EIF4G1: variants seen among roughly 807,000 people sequenced by gnomAD.
EIF4G1 encodes eukaryotic translation initiation factor 4 gamma 1.
A neutral mutation model predicts 187.8 loss-of-function variants in EIF4G1; 4 were observed. That is an observed-to-expected ratio of 0.02 (90% CI 0.01 to 0.05). The LOEUF is 0.05. Ranked by LOEUF, EIF4G1 falls within the 10% of genes least tolerant of loss-of-function variation. The probability of loss-of-function intolerance (pLI) is 1.00; values close to 1 mark genes in which losing one functional copy is unlikely to be tolerated. For missense variants in EIF4G1, 1,647 were observed against 2,081.1 expected (o/e 0.79, Z 4.06); for synonymous variants, 844 against 781.4 (o/e 1.08, Z -1.34).
intron 32 of EIF4G1, among the ~76,000 whole-genome samples, chr3:184,333,155 G>A (rs1726459635): frequency 6.6e-6 from 1 of 152,090 alleles, no homozygotes; most frequent in Admixed American, 6.5e-5. Flanking sequence ...TGGGGAGGGG[G>A]CCGTGAGAGA....
Position 184,325,109 on chromosome 3 carries a change from G to A in EIF4G1, c.2851G>A (p.Ala951Thr). ...TIGKDLDFEK[A>T]KPRMDQYFNQ... ...TGGCAAAGACCTGGACTTTGAAAAAGCCAAGGTAGAGGTCCTTGCATCTGG... is the reference window on the plus strand; with the variant it reads ...TGGCAAAGACCTGGACTTTGAAAAAACCAAGGTAGAGGTCCTTGCATCTGG... Residue 951 changes from alanine (A) to threonine (T), a missense_variant, in exon 18 of 33, where the codon GCC (alanine) becomes ACC (threonine). By Grantham distance (58) the Ala-to-Thr change is moderately conservative (BLOSUM62 0). Around this residue, in one of 11 missense-constraint regions of EIF4G1, gnomAD observed 142 missense variants for 296.6 expected, o/e 0.48. Transcript: ENST00000346169. The surrounding 1 kb of genome is among the most constrained non-coding windows in gnomAD (Gnocchi z 5.2). 1 of 1,614,118 alleles carries A rather than the reference G, an allele frequency of 6.2e-7. No homozygotes were observed. Among genetic ancestry groups the A allele is most frequent in the African/African-American group, 1.3e-5 (1 of 75,040 alleles).
At position 184,325,466 on chromosome 3, in the gene EIF4G1, C is replaced by T. The variant is rs748710761; in HGVS notation, c.2962-14C>T. ...TTCCCTGACATCATCGTGACTGGCC[C>T]TCTGTCTCCACAGAGCAATTGGGTG... On this transcript the variant is annotated splice_polypyrimidine_tract_variant and intron_variant, in intron 19 of 32. Transcript: ENST00000346169. The surrounding 1 kb of genome is among the most constrained non-coding windows in gnomAD (Gnocchi z 5.2). 1.9e-6 allele frequency: 3 copies of T among 1,614,190 alleles called. No homozygotes were observed. The highest frequency in any genetic ancestry group is 1.3e-5 in the African/African-American group (1 of 75,040).
rs1227644750 is a variant in EIF4G1 at position 184,327,257 on chromosome 3, G to A, written c.3470G>A (p.Arg1157Gln). 8 of 1,613,358 alleles carry A rather than the reference G, an allele frequency of 5.0e-6. No individual in the cohort carries two copies. Among genetic ancestry groups the A allele is most frequent in the Non-Finnish European group, 6.8e-6 (8 of 1,180,056 alleles). Residue 1157 changes from arginine (R) to glutamine (Q), a missense_variant, in exon 24 of 33, where the codon CGA becomes CAA. Physicochemically the swap from Arg to Gln is conservative, Grantham distance 43. Around this residue, in one of 11 missense-constraint regions of EIF4G1, gnomAD observed 543 missense variants for 638.0 expected, o/e 0.85. Transcript: ENST00000346169. ...SRERGEKAGDRGDRLERSERG... is the reference protein window; with the variant it reads ...SRERGEKAGDQGDRLERSERG... ...GAACGAGGCGAGAAAGCTGGAGACC[G>A]AGGAGACCGCCTAGAGCGGAGTGAA...
Position 184,334,848 on chromosome 3 carries a change from A to T in EIF4G1, c.4740A>T (p.Lys1580Asn). The part of the protein sequence containing the change: ...AEQQGKGVAL[K>N]SVTAFFKWLR... ...AGCAGGGCAAGGGTGTGGCCCTTAA[A>T]TCTGTCACAGCCTTCTTCAAGTGGC... is the stretch of plus-strand genomic sequence containing the variant. Residue 1580 changes from lysine to asparagine, a missense_variant, in exon 33 of 33, where the codon AAA (lysine) becomes AAT (asparagine). Around this residue, in one of 11 missense-constraint regions of EIF4G1, gnomAD observed 543 missense variants for 638.0 expected, o/e 0.85. Coordinates refer to ENST00000346169, the MANE Select transcript of EIF4G1 (RefSeq NM_198241.3). The surrounding 1 kb of genome is among the most constrained non-coding windows in gnomAD (Gnocchi z 5.8). 1 of 1,614,182 alleles carries T rather than the reference A, an allele frequency of 6.2e-7. No homozygotes were observed. Among genetic ancestry groups the T allele is most frequent in the Non-Finnish European group, 8.5e-7 (1 of 1,180,022 alleles).
chr3:184,335,131 T>TA lies in EIF4G1; in HGVS notation c.*224dup. ...CTCTCCTCCCCCTGGGGCACAGAGA[T>TA]ATATTATATATAAAGTCTTGAAATT... On this transcript the variant is annotated 3_prime_UTR_variant, in exon 33 of 33. Transcript: ENST00000346169. 2 of 577,372 alleles carry TA rather than the reference T, an allele frequency of 3.5e-6. No homozygotes were observed. The highest frequency in any genetic ancestry group is 2.0e-5 in the South Asian group (1 of 50,072). 35.8% of individuals were successfully genotyped at this position (577,372 alleles called of 1,614,324 possible).
chr3:184,328,760 A>G lies in EIF4G1; in HGVS notation c.4079+4A>G, dbSNP rs2108509831. 2.5e-6 allele frequency: 4 copies of G among 1,614,166 alleles called. No homozygotes were observed. The highest frequency in any genetic ancestry group is 1.1e-5 in the South Asian group (1 of 91,080). ...TGCCCATGGGGGAGCTGTTCAGGTA[A>G]GTCCCCCTGGGTGGAATTCAGGGGA... On this transcript the variant is annotated splice_donor_region_variant and intron_variant, in intron 27 of 32. Coordinates refer to ENST00000346169, the MANE Select transcript of EIF4G1 (RefSeq NM_198241.3).
intron 32 of EIF4G1, among the ~76,000 whole-genome samples, chr3:184,333,004 G>T (rs1352981718): frequency 1.3e-5 from 2 of 152,212 alleles, no homozygotes; most frequent in Non-Finnish European, 2.9e-5. Flanking sequence ...GCAATAGAGG[G>T]AAGAGTGGTT....
rs904059560 is a variant in EIF4G1, at chr3:184,335,255, G to A, written c.*347G>A. The A allele has an allele frequency of 6.3e-6, 2 of 315,380 alleles. No individual in the cohort carries two copies. The highest frequency in any genetic ancestry group is 4.3e-5 in the African/African-American group (2 of 46,846). The allele number at this position is 315,380 out of a possible 1,614,324, so 19.5% of individuals were successfully genotyped here. A position where few individuals can be genotyped will look rare whatever the true frequency, so the allele number is the denominator to read the frequency against. On this transcript the variant is annotated 3_prime_UTR_variant, in exon 33 of 33. Coordinates refer to ENST00000346169, the MANE Select transcript of EIF4G1 (RefSeq NM_198241.3). Reference sequence around the variant, plus strand: ...TCTCGGGACTGCCGTCCTCGCTGCTGGGGGCATATGCCCCAGCCCCTGTAC... The same window carrying A: ...TCTCGGGACTGCCGTCCTCGCTGCTAGGGGCATATGCCCCAGCCCCTGTAC...
At chr3:184,317,166 G>T (rs770666541) in intron 4 of EIF4G1, among the ~76,000 whole-genome samples, 155 bp from the exon 5 acceptor site, 1 of 152,196 alleles carries the variant, frequency 6.6e-6, no homozygotes, top group Non-Finnish European at 1.5e-5. Context: ...ACAAGAAGCC[G>T]CTTAGCCATT....
intron 10 of EIF4G1, 99 bp downstream of exon 10, chr3:184,322,202 G>T (rs748790766): frequency 2.5e-6 from 4 of 1,585,074 alleles, no homozygotes; most frequent in Non-Finnish European, 3.5e-6. Flanking sequence ...CTGGGTCCCT[G>T]CAATGGAATC....
At chr3:184,320,498 AG>A (rs910514924) in intron 7 of EIF4G1, 131 bp from the exon 8 acceptor site, 1 of 1,557,772 alleles carries the variant, frequency 6.4e-7, no homozygotes, top group African/African-American at 1.4e-5. Flanking sequence ...GTGGAACTCA[AG>A]GGGTTTCTGG....
At chr3:184,317,247 G>A in intron 4 of EIF4G1, 74 bp from the exon 5 acceptor site, 1 of 1,528,284 alleles carries the variant, frequency 6.5e-7, no homozygotes, top group South Asian at 1.1e-5. Flanking sequence ...AGGCTATAGA[G>A]ACATTGTGGA....
chr3:184,331,941 T>C lies in EIF4G1; in HGVS notation c.4478-5T>C, dbSNP rs760922389. 6.2e-7 allele frequency: 1 copy of C among 1,613,848 alleles called. No individual in the cohort carries two copies. The highest frequency in any genetic ancestry group is 2.2e-5 in the East Asian group (1 of 44,816). On this transcript the variant is annotated splice_polypyrimidine_tract_variant and splice_region_variant and intron_variant, in intron 31 of 32. Coordinates refer to ENST00000346169, the MANE Select transcript of EIF4G1 (RefSeq NM_198241.3). ...ATTGCTCCACTCATCCCTGTCTTCT[T>C]GTAGTTGAGACTCCCCTCCGAGTGG...
chr3:184,328,762 TC>T lies in EIF4G1; in HGVS notation c.4079+11del, dbSNP rs1725458767. On this transcript the variant is annotated splice_region_variant and intron_variant, in intron 27 of 32. Coordinates refer to ENST00000346169, the MANE Select transcript of EIF4G1 (RefSeq NM_198241.3). ...CCCATGGGGGAGCTGTTCAGGTAAG[TC>T]CCCCTGGGTGGAATTCAGGGGAGGT... The T allele has an allele frequency of 6.2e-7, 1 of 1,613,506 alleles. No individual in the cohort carries two copies. Among genetic ancestry groups the T allele is most frequent in the African/African-American group, 1.3e-5 (1 of 74,720 alleles).
chr3:184,330,104 A>G (rs570709005), intron 28 of EIF4G1, among the ~76,000 whole-genome samples: 4 of 152,278 alleles, frequency 2.6e-5, no homozygotes, highest in African/African-American at 9.6e-5. Flanking sequence ...GAAAGAAAAG[A>G]CTGGGCCGGG....
chr3:184,324,062 C>T (rs1724394671), intron 16 of EIF4G1, 85 bp downstream of exon 16: 2 of 1,605,766 alleles, frequency 1.2e-6, no homozygotes, highest in African/African-American at 1.3e-5. Context: ...TCTTGGTTCC[C>T]CTCCAACTTG....
At position 184,317,796 on chromosome 3, in the gene EIF4G1, C is replaced by T; in HGVS notation, c.404C>T (p.Pro135Leu). Residue 135 changes from proline (P) to leucine (L), a missense_variant, in exon 6 of 33, where the codon CCT (proline) becomes CTT (leucine). Coordinates refer to ENST00000346169, the MANE Select transcript of EIF4G1 (RefSeq NM_198241.3). Reference protein sequence around the residue: ...GAPGFYPGASPTEFGTYAGAY... With the variant: ...GAPGFYPGASLTEFGTYAGAY... Reference sequence around the variant, plus strand: ...CCAGGCTTCTATCCAGGTGCAAGCCCTACAGAATTTGGGACCTACGGTAAG... The same window carrying T: ...CCAGGCTTCTATCCAGGTGCAAGCCTTACAGAATTTGGGACCTACGGTAAG... 6.2e-7 allele frequency: 1 copy of T among 1,614,032 alleles called. No individual in the cohort carries two copies.
In EIF4G1 at chr3:184,321,872, G is replaced by A; in HGVS notation, c.1288G>A (p.Ala430Thr). Residue 430 changes from alanine to threonine, a missense_variant, in exon 10 of 33, where the codon GCA becomes ACA. Around this residue, in one of 11 missense-constraint regions of EIF4G1, gnomAD observed 522 missense variants for 485.2 expected, o/e 1.08. Transcript: ENST00000346169. ...EPEEQAKEVT[A>T]SMAPPTIPSA... Reference sequence around the variant, plus strand: ...AGAGGAGCAGGCCAAGGAGGTGACAGCATCAATGGCGCCCCCCACCATCCC... The same window carrying A: ...AGAGGAGCAGGCCAAGGAGGTGACAACATCAATGGCGCCCCCCACCATCCC... 6.2e-7 allele frequency: 1 copy of A among 1,614,100 alleles called. No individual in the cohort carries two copies.
Position 184,321,003 on chromosome 3 carries a change from C to G in EIF4G1, c.697+10C>G, listed in dbSNP as rs1426805025. On this transcript the variant is annotated intron_variant, in intron 9 of 32. Coordinates refer to ENST00000346169, the MANE Select transcript of EIF4G1 (RefSeq NM_198241.3). ...GTCATTGTCCGGCCAGGTAAGTAAG[C>G]CGGTGGGACGGAGCTTTTATGGGGA... is the stretch of plus-strand genomic sequence containing the variant. The G allele has an allele frequency of 1.2e-6, 2 of 1,613,280 alleles. No individual in the cohort carries two copies. Among genetic ancestry groups the G allele is most frequent in the Non-Finnish European group, 1.7e-6 (2 of 1,179,822 alleles).
Sources: allele counts gnomAD v4.1 joint callset (sites outside exome capture counted in the v4.1 genomes callset), GRCh38; gene constraint gnomAD v4.1.1; regional missense constraint gnomAD v4.1.1; non-coding constraint Gnocchi (gnomAD v3.1); transcripts MANE v1.5; gene names NCBI Gene and HGNC (gene_info 2026-07-23, HGNC 2026-07-21).